CNKSR2: variants seen among roughly 807,000 people sequenced by gnomAD.
The protein encoded by CNKSR2 is CNK homolog protein 2.
In CNKSR2, 14 loss-of-function variants were observed where a neutral mutation model predicts 84.4. The ratio of observed to expected loss-of-function variants is 0.17; its 90% CI spans 0.11 to 0.26. The LOEUF (loss-of-function observed/expected upper bound fraction) is 0.26, where lower values mean the gene tolerates loss of function less well. CNKSR2 is among the 10% of genes least tolerant of loss of function. CNKSR2 has a pLI of 1.00. For synonymous variants in CNKSR2, 275 were observed against 277.9 expected, an observed-to-expected ratio of 0.99 and a Z score of 0.10; for missense variants, 485 against 771.2, an observed-to-expected ratio of 0.63 and a Z score of 4.40.
At chrX:21,420,967 C>T (rs2147039731) in intron 1 of CNKSR2, among the ~76,000 whole-genome samples, 1 of 111,219 alleles carries the variant, frequency 9.0e-6, no homozygotes, top group South Asian at 3.8e-4. Flanking sequence ...GATTTGCAGT[C>T]CTTGTGGCCT....
intron 18 of CNKSR2, among the ~76,000 whole-genome samples, chrX:21,605,506 G>A (rs1218936124): frequency 1.8e-5 from 2 of 111,723 alleles, no homozygotes; most frequent in Non-Finnish European, 3.8e-5. Flanking sequence ...GTACATAGCA[G>A]GAGGAGATAG....
chrX:21,558,650 T>C (rs1312235552), intron 11 of CNKSR2, among the ~76,000 whole-genome samples: 1 of 110,786 alleles, frequency 9.0e-6, no homozygotes, highest in African/African-American at 3.3e-5. Flanking sequence ...AAGGGCTTAA[T>C]TACATGCTTC....
At chrX:21,452,299 G>A (rs2090943054) in intron 4 of CNKSR2, among the ~76,000 whole-genome samples, 1 of 110,862 alleles carries the variant, frequency 9.0e-6, no homozygotes, top group Admixed American at 9.6e-5. Context: ...TCACCATGTT[G>A]ACCAGGTTGG....
At chrX:21,375,918 C>T (rs73449412) in intron 1 of CNKSR2, among the ~76,000 whole-genome samples, 4 of 111,768 alleles carry the variant, frequency 3.6e-5, no homozygotes, top group African/African-American at 1.3e-4. Flanking sequence ...CTCCCCCACC[C>T]ACCAACCCCT....
At chrX:21,378,014 C>A (rs966764534) in intron 1 of CNKSR2, among the ~76,000 whole-genome samples, 7 of 111,241 alleles carry the variant, frequency 6.3e-5, no homozygotes, top group Non-Finnish European at 1.9e-5. Flanking sequence ...TCCTTGTATT[C>A]TTTTGCTCAC....
rs1251406590 is a variant in CNKSR2, at chrX:21,509,061, T to C, written c.811-7424T>C. On this transcript the variant is annotated intron_variant, in intron 8 of 21. Transcript: ENST00000379510. Reference sequence around the variant, plus strand: ...GTCCATCTTTAGCTGTGAGAAATTATGTTCTCTGTTAGTGCTTTCTTTTTA... The same window carrying C: ...GTCCATCTTTAGCTGTGAGAAATTACGTTCTCTGTTAGTGCTTTCTTTTTA... Among the ~76,000 whole-genome samples the C allele has an allele frequency of 3.6e-5, 4 of 112,109 alleles. No homozygotes were observed. The Admixed American group carries it at 3.8e-4, about 11-fold the overall frequency.
intron 20 of CNKSR2, among the ~76,000 whole-genome samples, chrX:21,629,578 C>T (rs759771134): frequency 2.7e-4 from 30 of 111,644 alleles, no homozygotes; most frequent in Non-Finnish European, 4.1e-4. Context: ...AGAGAGAGAG[C>T]TTGTGCAGGG....
intron 1 of CNKSR2, among the ~76,000 whole-genome samples, chrX:21,413,199 C>A (rs1016365510): frequency 4.5e-5 from 5 of 111,533 alleles, no homozygotes; most frequent in African/African-American, 1.6e-4. Flanking sequence ...TTTCACTTAG[C>A]ATAATGTCTT....
At chrX:21,520,231 C>T (rs2091768843) in intron 9 of CNKSR2, among the ~76,000 whole-genome samples, 1 of 111,192 alleles carries the variant, frequency 9.0e-6, no homozygotes, top group Non-Finnish European at 1.9e-5. Flanking sequence ...AAGGACTTAA[C>T]CATCCCTTAG....
chrX:21,578,875 T>G (rs2092336855), intron 13 of CNKSR2, among the ~76,000 whole-genome samples: 1 of 111,845 alleles, frequency 8.9e-6, no homozygotes, highest in African/African-American at 3.3e-5. Flanking sequence ...GAAGAAAATC[T>G]AGACATGAAG....
At chrX:21,457,072 A>C (rs375679180) in intron 4 of CNKSR2, among the ~76,000 whole-genome samples, 1 of 110,541 alleles carries the variant, frequency 9.0e-6, no homozygotes, top group Non-Finnish European at 1.9e-5. Flanking sequence ...ATTTGTTTCT[A>C]TTTTTGCTGT....
intron 20 of CNKSR2, among the ~76,000 whole-genome samples, chrX:21,648,074 A>C (rs1339898287): frequency 2.7e-5 from 3 of 111,813 alleles, no homozygotes; most frequent in African/African-American, 9.7e-5. Context: ...ATTTAACTGG[A>C]GTATTTTCTC....
chrX:21,401,505 A>G (rs1419174758), intron 1 of CNKSR2, among the ~76,000 whole-genome samples: 3 of 111,312 alleles, frequency 2.7e-5, no homozygotes, highest in Non-Finnish European at 5.7e-5. Flanking sequence ...TCAATGGCCC[A>G]TTTTTCCCCT....
At chrX:21,586,301 T>TAAATAAAG (rs1447005095) in intron 13 of CNKSR2, among the ~76,000 whole-genome samples, 1 of 111,595 alleles carries the variant, frequency 9.0e-6, no homozygotes, top group African/African-American at 3.3e-5. Context: ...TACTAAGAAA[T>TAAATAAAG]AAATAAAGAT....
intron 11 of CNKSR2, among the ~76,000 whole-genome samples, chrX:21,549,524 A>C (rs961365302): frequency 7.2e-5 from 8 of 111,841 alleles, no homozygotes; most frequent in African/African-American, 2.6e-4. Flanking sequence ...TATCCCCATC[A>C]AGCTACCATT....
At chrX:21,472,018 A>G (rs1272913233) in intron 5 of CNKSR2, among the ~76,000 whole-genome samples, 1 of 111,934 alleles carries the variant, frequency 8.9e-6, no homozygotes, top group Non-Finnish European at 1.9e-5. Context: ...TTGTTCAACT[A>G]TTCGGTTTGA....
chrX:21,584,961 G>T (rs1234159408), intron 13 of CNKSR2, among the ~76,000 whole-genome samples: 1 of 110,377 alleles, frequency 9.1e-6, no homozygotes, highest in African/African-American at 3.3e-5. Flanking sequence ...ATTAGAGGGG[G>T]CTGGTCTTAG....
At chrX:21,472,967 A>G (rs1271805537) in intron 5 of CNKSR2, among the ~76,000 whole-genome samples, 2 of 111,480 alleles carry the variant, frequency 1.8e-5, no homozygotes, top group African/African-American at 3.2e-5. Flanking sequence ...TAATCACTAA[A>G]TATTTTTAAT....
intron 21 of CNKSR2, among the ~76,000 whole-genome samples, chrX:21,649,741 C>T (rs2092715955): frequency 9.0e-6 from 1 of 111,056 alleles, no homozygotes; most frequent in African/African-American, 3.3e-5. Flanking sequence ...GGAGAGGGCC[C>T]ACCGCACAAG....
Sources: allele counts gnomAD v4.1 joint callset (sites outside exome capture counted in the v4.1 genomes callset), GRCh38; gene constraint gnomAD v4.1.1; transcripts MANE v1.5; gene names NCBI Gene and HGNC (gene_info 2026-07-23, HGNC 2026-07-21).